LSAMP: variants seen among roughly 807,000 people sequenced by gnomAD.
LSAMP encodes the protein limbic system-associated membrane protein.
Under a neutral mutation model 38.6 loss-of-function variants are expected in LSAMP, and 7 were observed. The ratio of observed to expected loss-of-function variants is 0.18; its 90% CI spans 0.10 to 0.34. LSAMP has a LOEUF of 0.34. Among genes scored for constraint, LSAMP ranks in the 10% least tolerant of loss-of-function variants. The pLI, the probability that LSAMP is intolerant of heterozygous loss-of-function variation, is 1.00. For missense variants in LSAMP, 313 were observed against 420.0 expected (o/e 0.75, Z 2.23); for synonymous variants, 154 against 166.8 (o/e 0.92, Z 0.59).
Position 116,166,995 on chromosome 3 carries a change from G to T in LSAMP, c.156-80439C>A, listed in dbSNP as rs578136492. On this transcript the variant is annotated intron_variant, in intron 1 of 6. Coordinates refer to ENST00000490035, the MANE Select transcript of LSAMP (RefSeq NM_002338.5). ...TTTAGTAGAGACGGGGTTTCACCGT[G>T]TTAGCCAGGATGGTCTTGATCTCCT... 2.7e-3 allele frequency among the ~76,000 whole-genome samples: 415 copies of T among 152,076 alleles called. 2 individuals carry two copies. The highest frequency in any genetic ancestry group is 4.8e-3 in the Non-Finnish European group (327 of 67,966).
At chr3:116,187,623 T>C (rs1360637087) in intron 1 of LSAMP, among the ~76,000 whole-genome samples, 2 of 152,050 alleles carry the variant, frequency 1.3e-5, no homozygotes, top group African/African-American at 4.8e-5. Flanking sequence ...ACCTCTTCCT[T>C]CATAGATATT....
intron 1 of LSAMP, among the ~76,000 whole-genome samples, chr3:116,137,418 T>C (rs1709274905): frequency 6.6e-6 from 1 of 152,156 alleles, no homozygotes; most frequent in Non-Finnish European, 1.5e-5. Context: ...TAACAAGTAA[T>C]AAACATTTCA....
chr3:115,904,610 T>G (rs1461765056), intron 3 of LSAMP, among the ~76,000 whole-genome samples: 1 of 151,124 alleles, frequency 6.6e-6, no homozygotes, highest in Non-Finnish European at 1.5e-5. Context: ...CTCTCACCTC[T>G]CCCAGATCTA....
chr3:116,068,717 T>C (rs905165869), intron 2 of LSAMP, among the ~76,000 whole-genome samples: 1 of 152,212 alleles, frequency 6.6e-6, no homozygotes, highest in Non-Finnish European at 1.5e-5. Context: ...ACATTCTATA[T>C]ATGATTGCAT....
chr3:116,318,896 G>C (rs1458197292), intron 1 of LSAMP, among the ~76,000 whole-genome samples: 1 of 151,942 alleles, frequency 6.6e-6, no homozygotes, highest in African/African-American at 2.4e-5. Flanking sequence ...TATTCTATCA[G>C]GCTGACACTC....
At chr3:116,121,975 C>T (rs1401891312) in intron 1 of LSAMP, among the ~76,000 whole-genome samples, 3 of 150,890 alleles carry the variant, frequency 2.0e-5, no homozygotes, top group Non-Finnish European at 2.9e-5. Flanking sequence ...CCAATATGTC[C>T]CAGAGAAGCC....
At chr3:116,157,199 A>T (rs1479740145) in intron 1 of LSAMP, among the ~76,000 whole-genome samples, 1 of 152,098 alleles carries the variant, frequency 6.6e-6, no homozygotes, top group African/African-American at 2.4e-5. Flanking sequence ...GATTGTACAG[A>T]CATAATTCAA....
chr3:116,333,929 C>A (rs1388079960), intron 1 of LSAMP, among the ~76,000 whole-genome samples: 2 of 150,414 alleles, frequency 1.3e-5, no homozygotes, highest in African/African-American at 2.4e-5. Flanking sequence ...ATAGAAGAAA[C>A]AATATAAAAA....
At chr3:116,035,547 C>A (rs1313397157) in intron 2 of LSAMP, among the ~76,000 whole-genome samples, 1 of 152,146 alleles carries the variant, frequency 6.6e-6, no homozygotes, top group Admixed American at 6.5e-5. Flanking sequence ...TATTTAACAT[C>A]TTTCATTAAA....
At chr3:115,864,773 G>C (rs570718158) in intron 3 of LSAMP, among the ~76,000 whole-genome samples, 9 of 152,136 alleles carry the variant, frequency 5.9e-5, no homozygotes, top group Non-Finnish European at 1.0e-4. Flanking sequence ...GATTAATAGA[G>C]TGTACATGGA....
At chr3:116,347,584 G>T (rs2107761204) in intron 1 of LSAMP, among the ~76,000 whole-genome samples, 1 of 152,086 alleles carries the variant, frequency 6.6e-6, no homozygotes, top group African/African-American at 2.4e-5. Context: ...AAAATATTTA[G>T]ATATATTTGT....
chr3:115,963,585 T>A (rs1576261863), intron 3 of LSAMP, among the ~76,000 whole-genome samples: 1 of 152,280 alleles, frequency 6.6e-6, no homozygotes, highest in Middle Eastern at 3.4e-3. Context: ...GACTCCAGTA[T>A]GTGATTGAAT....
intron 1 of LSAMP, among the ~76,000 whole-genome samples, chr3:116,415,329 C>T (rs1459696272): frequency 6.6e-6 from 1 of 151,834 alleles, no homozygotes; most frequent in African/African-American, 2.4e-5. Context: ...AAATGGTTGC[C>T]GGACAAGGTA....
At chr3:116,367,114 C>A (rs1161390925) in intron 1 of LSAMP, among the ~76,000 whole-genome samples, 1 of 152,068 alleles carries the variant, frequency 6.6e-6, no homozygotes, top group African/African-American at 2.4e-5. Flanking sequence ...CAGATTAATG[C>A]TAAGATAATT....
At chr3:116,439,924 T>C (rs1326975319) in intron 1 of LSAMP, among the ~76,000 whole-genome samples, 1 of 152,226 alleles carries the variant, frequency 6.6e-6, no homozygotes, top group African/African-American at 2.4e-5. Context: ...GGTTTCACCA[T>C]GTTGGCCAGG....
intron 1 of LSAMP, among the ~76,000 whole-genome samples, chr3:116,094,794 G>T (rs1708191211): frequency 6.6e-6 from 1 of 152,120 alleles, no homozygotes; most frequent in African/African-American, 2.4e-5. Flanking sequence ...ATTTACTATT[G>T]GAACACAGAT....
intron 1 of LSAMP, among the ~76,000 whole-genome samples, chr3:116,293,911 T>C (rs1559816859): frequency 6.6e-6 from 1 of 152,102 alleles, no homozygotes; most frequent in Non-Finnish European, 1.5e-5. Context: ...ACATGCAACA[T>C]AATGATACAC....
intron 3 of LSAMP, among the ~76,000 whole-genome samples, chr3:115,904,099 G>A (rs1936949284): frequency 6.6e-6 from 1 of 152,228 alleles, no homozygotes; most frequent in Admixed American, 6.5e-5. Context: ...TGAATCATCT[G>A]TCGACGGTAG....
chr3:116,002,847 A>C (rs1303581766), intron 3 of LSAMP, among the ~76,000 whole-genome samples: 2 of 152,148 alleles, frequency 1.3e-5, no homozygotes, highest in Admixed American at 1.3e-4. Flanking sequence ...CACAACCATT[A>C]GGGTTTAAAT....
Sources: gnomAD v4.1 joint callset for allele counts (sites outside exome capture counted in the v4.1 genomes callset) on GRCh38, gnomAD v4.1.1 for gene constraint, MANE v1.5 for transcripts, NCBI Gene and HGNC (gene_info 2026-07-23, HGNC 2026-07-21) for gene names.